The following TERF2 variants were observed in gnomAD, a reference collection of about 807,000 sequenced individuals.
The protein encoded by TERF2 is telomeric repeat-binding factor 2.
A neutral mutation model predicts 56.1 loss-of-function variants in TERF2; 16 were observed. That is an observed-to-expected ratio of 0.29 (90% confidence interval 0.19 to 0.43). TERF2 has a LOEUF of 0.43. TERF2 is among the 20% of genes least tolerant of loss of function. The pLI is 1.00. For missense variants in TERF2, 547 were observed against 712.9 expected (o/e 0.77, Z 2.65); for synonymous variants, 296 against 282.1 (o/e 1.05, Z -0.50).
chr16:69,382,954 G>C (rs1320057248), intron 3 of TERF2, among the ~76,000 whole-genome samples: 1 of 152,142 alleles, frequency 6.6e-6, no homozygotes, highest in African/African-American at 2.4e-5. Flanking sequence ...GTGGAGACTG[G>C]AAAAGGAGAA....
At chr16:69,383,673 G>A (rs2014083341) in intron 3 of TERF2, among the ~76,000 whole-genome samples, 1 of 152,204 alleles carries the variant, frequency 6.6e-6, no homozygotes. Flanking sequence ...ATGCACACTA[G>A]TTGTTTTTTA....
intron 3 of TERF2, among the ~76,000 whole-genome samples, chr16:69,376,638 G>C (rs1010588889): frequency 4.0e-5 from 6 of 149,308 alleles, no homozygotes; most frequent in Middle Eastern, 3.2e-3. Context: ...TTGAGCCCAG[G>C]AGTTCAAGAC....
In TERF2 at chr16:69,361,463, G is replaced by C. The variant is rs745645971; in HGVS notation, c.1367C>G (p.Ser456Cys). The change falls in exon 8 of 10, where the codon TCT becomes TGT. Residue 456 changes from serine to cysteine, a missense_variant. By Grantham distance (112) the Ser-to-Cys change is moderately radical (BLOSUM62 -1). This residue lies in a region of TERF2 where 211 missense variants were observed against 236.8 expected (regional missense o/e 0.89). Coordinates refer to ENST00000254942, the MANE Select transcript of TERF2 (RefSeq NM_005652.5). ...AGTCTCCTTTTCTTCAACCCCATTAGAGCTGTTCCACTTGCCTTTGGGTAC... is the reference window on the plus strand; with the variant it reads ...AGTCTCCTTTTCTTCAACCCCATTACAGCTGTTCCACTTGCCTTTGGGTAC... Reference protein sequence around the residue: ...PKVPKGKWNSSNGVEEKETWV... With the variant: ...PKVPKGKWNSCNGVEEKETWV... 6.2e-7 allele frequency: 1 copy of C among 1,613,968 alleles called. No individual in the cohort carries two copies. Among genetic ancestry groups the C allele is most frequent in the South Asian group, 1.1e-5 (1 of 91,080 alleles).
chr16:69,385,432 A>AC lies in TERF2; in HGVS notation c.433dup (p.Val145GlyfsTer9), dbSNP rs2014158084. The stretch of plus-strand genomic sequence containing the variant: ...TTCAATCCGCGACAGACACTGCATA[A>AC]CCCGCAGCAATCGGGACACGGTGTG... On this transcript the variant is annotated frameshift_variant, in exon 2 of 10. Transcript: ENST00000254942. LOFTEE classifies it high-confidence loss of function. 6.2e-7 allele frequency: 1 copy of AC among 1,614,002 alleles called. No homozygotes were observed. The highest frequency in any genetic ancestry group is 8.5e-7 in the Non-Finnish European group (1 of 1,180,006).
intron 5 of TERF2, 157 bp from the exon 6 acceptor site, chr16:69,368,639 G>A (rs1597248406): frequency 6.6e-7 from 1 of 1,525,418 alleles, no homozygotes; most frequent in East Asian, 2.5e-5. Context: ...GAACTTGTAA[G>A]ACTTATAAAT....
rs1409586582 is a variant in TERF2, at chr16:69,356,677, G to T, written c.*221C>A. 1.4e-5 allele frequency: 6 copies of T among 440,550 alleles called. No homozygotes were observed. The highest frequency in any genetic ancestry group is 2.0e-5 in the Non-Finnish European group (5 of 250,640). The allele number at this position is 440,550 out of a possible 1,614,324, so 27.3% of individuals were successfully genotyped here. On this transcript the variant is annotated 3_prime_UTR_variant, in exon 10 of 10. Coordinates refer to ENST00000254942, the MANE Select transcript of TERF2 (RefSeq NM_005652.5). ...TAGCCGGGCGTGATGGCGGGCGCCT[G>T]TAGTCCCAGCTACTCGGGAGGCTGA...
At chr16:69,357,957 T>G (rs564060049) in intron 8 of TERF2, among the ~76,000 whole-genome samples, 127 of 150,180 alleles carry the variant, frequency 8.5e-4, no homozygotes, top group African/African-American at 2.8e-3. Flanking sequence ...CACCCCATTC[T>G]CCTGCCTCAG....
chr16:69,371,188 T>A (rs951237811), intron 4 of TERF2, among the ~76,000 whole-genome samples: 1 of 152,176 alleles, frequency 6.6e-6, no homozygotes, highest in Non-Finnish European at 1.5e-5. Flanking sequence ...TATTACCTTT[T>A]CAAATAATAA....
chr16:69,379,670 C>T (rs548511152), intron 3 of TERF2, among the ~76,000 whole-genome samples: 83 of 152,050 alleles, frequency 5.5e-4, no homozygotes, highest in Non-Finnish European at 9.1e-4. Flanking sequence ...GTATTAGAAA[C>T]ATAAATCAGA....
chr16:69,372,722 A>C (rs2013623040), intron 3 of TERF2, among the ~76,000 whole-genome samples: 1 of 152,192 alleles, frequency 6.6e-6, no homozygotes, highest in African/African-American at 2.4e-5. Context: ...AGATCGCGCC[A>C]CTGCACTCCA....
intron 5 of TERF2, 67 bp downstream of exon 5, chr16:69,370,416 A>G (rs1373904272): frequency 6.4e-7 from 1 of 1,566,558 alleles, no homozygotes; most frequent in South Asian, 1.2e-5. Flanking sequence ...TTTTCACTTC[A>G]GATATTCTGA....
chr16:69,356,670 G>A lies in TERF2; in HGVS notation c.*228C>T. The A allele has an allele frequency of 2.4e-6, 1 of 413,448 alleles. No homozygotes were observed. Among genetic ancestry groups the A allele is most frequent in the Non-Finnish European group, 4.3e-6 (1 of 232,298 alleles). The allele number at this position is 413,448 out of a possible 1,614,324, so 25.6% of individuals were successfully genotyped here. A position where few individuals can be genotyped will look rare whatever the true frequency, so the allele number is the denominator to read the frequency against. On this transcript the variant is annotated 3_prime_UTR_variant, in exon 10 of 10. Coordinates refer to ENST00000254942, the MANE Select transcript of TERF2 (RefSeq NM_005652.5). ...AAAACATTAGCCGGGCGTGATGGCG[G>A]GCGCCTGTAGTCCCAGCTACTCGGG...
intron 8 of TERF2, among the ~76,000 whole-genome samples, chr16:69,359,302 CG>C (rs1218452855): frequency 2.0e-5 from 3 of 152,036 alleles, no homozygotes; most frequent in Admixed American, 6.6e-5. Context: ...CCAAGGCGGG[CG>C]GATCACTTGA....
chr16:69,381,662 G>A (rs1351461796), intron 3 of TERF2, among the ~76,000 whole-genome samples: 4 of 151,574 alleles, frequency 2.6e-5, no homozygotes, highest in African/African-American at 9.7e-5. Flanking sequence ...TTGTATTTTT[G>A]TAGAGACAGG....
intron 6 of TERF2, among the ~76,000 whole-genome samples, chr16:69,368,039 G>C (rs141705626): frequency 2.0e-4 from 31 of 152,346 alleles, no homozygotes; most frequent in African/African-American, 7.5e-4. Flanking sequence ...AACTGGTTTT[G>C]GGATTCGACT....
chr16:69,378,828 C>T (rs1466962926), intron 3 of TERF2, among the ~76,000 whole-genome samples: 1 of 151,934 alleles, frequency 6.6e-6, no homozygotes, highest in African/African-American at 2.4e-5. Flanking sequence ...GAACACATAT[C>T]CTTCTATATT....
At chr16:69,357,422 T>C (rs1301179151) in intron 9 of TERF2, 96 bp downstream of exon 9, 3 of 997,516 alleles carry the variant, frequency 3.0e-6, no homozygotes, top group Non-Finnish European at 4.5e-6. Context: ...AGGTTTTTAC[T>C]GGGTACATAA....
chr16:69,368,300 C>T, intron 6 of TERF2, 76 bp downstream of exon 6: 1 of 1,400,514 alleles, frequency 7.1e-7, no homozygotes, highest in South Asian at 1.2e-5. Flanking sequence ...AGGAACTGAT[C>T]CTGGCCTAAG....
intron 3 of TERF2, among the ~76,000 whole-genome samples, chr16:69,381,121 A>T (rs912942227): frequency 6.6e-6 from 1 of 152,266 alleles, no homozygotes; most frequent in South Asian, 2.1e-4. Context: ...ATATTTTTTA[A>T]ATGTCAGTTG....
Sources: allele counts gnomAD v4.1 joint callset (sites outside exome capture counted in the v4.1 genomes callset), GRCh38; gene constraint gnomAD v4.1.1; regional missense constraint gnomAD v4.1.1; transcripts MANE v1.5; gene names NCBI Gene and HGNC (gene_info 2026-07-23, HGNC 2026-07-21).